The following SLC35F1 variants were observed in gnomAD, a reference collection of about 807,000 sequenced individuals.
SLC35F1 encodes chromosome 6 open reading frame 169.
A neutral mutation model predicts 48.7 loss-of-function variants in SLC35F1; 14 were observed. That is an observed-to-expected ratio of 0.29 (90% CI 0.19 to 0.45). The LOEUF (loss-of-function observed/expected upper bound fraction) is 0.45, where lower values mean the gene tolerates loss of function less well. SLC35F1 is among the 20% of genes least tolerant of loss of function. SLC35F1 has a pLI of 1.00. For synonymous variants in SLC35F1, 190 were observed against 202.2 expected (o/e 0.94, Z 0.51); for missense variants, 404 against 500.0 (o/e 0.81, Z 1.83).
chr6:118,291,607 C>A (rs429084), intron 7 of SLC35F1, among the ~76,000 whole-genome samples: 1 of 152,050 alleles, frequency 6.6e-6, no homozygotes, highest in Non-Finnish European at 1.5e-5. Context: ...TGAAAGGAAC[C>A]AAGTTAATGC....
chr6:118,140,198 T>C (rs951438796), intron 1 of SLC35F1, among the ~76,000 whole-genome samples: 2 of 152,186 alleles, frequency 1.3e-5, no homozygotes, highest in African/African-American at 2.4e-5. Context: ...TTACTTGGAT[T>C]TACCCAAATT....
intron 1 of SLC35F1, among the ~76,000 whole-genome samples, chr6:117,930,666 T>C (rs1776088573): frequency 6.6e-6 from 1 of 152,170 alleles, no homozygotes; most frequent in South Asian, 2.1e-4. Context: ...GATCACAGAC[T>C]GCCTCGAAAT....
At chr6:118,274,522 C>CA (rs768597925) in intron 4 of SLC35F1, among the ~76,000 whole-genome samples, 28 of 152,042 alleles carry the variant, frequency 1.8e-4, no homozygotes, top group Non-Finnish European at 3.1e-4. Context: ...CTCAGCCTCC[C>CA]AAGTAGCTGG....
intron 1 of SLC35F1, among the ~76,000 whole-genome samples, chr6:117,911,755 T>G (rs1392588273): frequency 6.6e-6 from 1 of 152,026 alleles, no homozygotes; most frequent in African/African-American, 2.4e-5. Context: ...CTTCCCTTAT[T>G]TCTTAGCATG....
chr6:118,044,700 GA>G (rs542122152), intron 1 of SLC35F1, among the ~76,000 whole-genome samples: 11 of 150,648 alleles, frequency 7.3e-5, no homozygotes, highest in East Asian at 5.8e-4. Flanking sequence ...TTTCGAAGAG[GA>G]AAAAAAAATG....
chr6:118,102,975 C>CT (rs139040279), intron 1 of SLC35F1, among the ~76,000 whole-genome samples: 10,124 of 152,230 alleles, frequency 0.067, 741 homozygotes, highest in African/African-American at 0.18. Flanking sequence ...TTGCATATCT[C>CT]TGAGCCTCCC....
At chr6:118,233,355 T>C (rs1415516977) in intron 2 of SLC35F1, among the ~76,000 whole-genome samples, 1 of 152,176 alleles carries the variant, frequency 6.6e-6, no homozygotes, top group East Asian at 1.9e-4. Flanking sequence ...AATGTGTTGA[T>C]TGTCAAACAT....
chr6:117,984,493 CAAA>C (rs1215573454), intron 1 of SLC35F1, among the ~76,000 whole-genome samples: 6 of 60,960 alleles, frequency 9.8e-5, no homozygotes, highest in Non-Finnish European at 1.1e-4. Flanking sequence ...GACTCGGTCT[CAAA>C]AAAAAAAAAA....
intron 1 of SLC35F1, among the ~76,000 whole-genome samples, chr6:117,980,553 C>G (rs1054119949): frequency 6.6e-6 from 1 of 152,110 alleles, no homozygotes; most frequent in Non-Finnish European, 1.5e-5. Context: ...TGTTTTCATT[C>G]TCATTTATCA....
At chr6:118,038,710 C>T (rs2114899613) in intron 1 of SLC35F1, among the ~76,000 whole-genome samples, 1 of 152,200 alleles carries the variant, frequency 6.6e-6, no homozygotes, top group Non-Finnish European at 1.5e-5. Context: ...CAACCTCTGC[C>T]TCCTGGAGTC....
intron 1 of SLC35F1, among the ~76,000 whole-genome samples, chr6:118,124,969 A>G (rs895580019): frequency 6.6e-6 from 1 of 152,154 alleles, no homozygotes; most frequent in African/African-American, 2.4e-5. Context: ...GCAAAACTCA[A>G]TCACCCAGGA....
chr6:117,970,665 A>G (rs1184374397), intron 1 of SLC35F1, among the ~76,000 whole-genome samples: 2 of 152,314 alleles, frequency 1.3e-5, no homozygotes, highest in Non-Finnish European at 1.5e-5. Context: ...GAGAGGCCTC[A>G]CAATCATGGC....
At chr6:118,049,634 T>C (rs1772355938) in intron 1 of SLC35F1, among the ~76,000 whole-genome samples, 1 of 151,316 alleles carries the variant, frequency 6.6e-6, no homozygotes, top group Non-Finnish European at 1.5e-5. Flanking sequence ...TCACTGGCCA[T>C]CAGAGAAATG....
At chr6:117,986,522 T>G (rs1776849868) in intron 1 of SLC35F1, among the ~76,000 whole-genome samples, 1 of 152,154 alleles carries the variant, frequency 6.6e-6, no homozygotes, top group African/African-American at 2.4e-5. Context: ...ACCCTGGAAG[T>G]TGGATGTTTG....
At chr6:118,304,495 C>A (rs945337900) in intron 7 of SLC35F1, among the ~76,000 whole-genome samples, 3 of 152,038 alleles carry the variant, frequency 2.0e-5, no homozygotes, top group African/African-American at 7.2e-5. Context: ...GATGAAAATG[C>A]CTTCTATTCC....
chr6:118,257,329 C>T (rs532517706), intron 3 of SLC35F1, among the ~76,000 whole-genome samples: 42 of 152,274 alleles, frequency 2.8e-4, no homozygotes, highest in African/African-American at 1.0e-3. Flanking sequence ...AACTACAGTG[C>T]TTCATTTCTG....
intron 3 of SLC35F1, among the ~76,000 whole-genome samples, chr6:118,252,531 G>T (rs910977467): frequency 4.6e-5 from 7 of 152,124 alleles, no homozygotes; most frequent in Non-Finnish European, 8.8e-5. Context: ...TGGTCATGTA[G>T]ATTTGAGTTT....
chr6:118,182,478 TGA>T lies in SLC35F1; in HGVS notation c.349+27861_349+27862del, dbSNP rs548754198. The stretch of plus-strand genomic sequence containing the variant: ...CTGCACTCCAGCTTGGGCAACAGAG[TGA>T]GACCCTGTCAAAAAAAAAAAAGAAA... On this transcript the variant is annotated intron_variant, in intron 2 of 7. Coordinates refer to ENST00000360388, the MANE Select transcript of SLC35F1 (RefSeq NM_001029858.4). Among the ~76,000 whole-genome samples, 32 of 118,660 alleles carry T rather than the reference TGA, an allele frequency of 2.7e-4. No homozygotes were observed. The South Asian group carries it at 8.0e-3, about 30-fold the overall frequency. The allele number at this position is 118,660 out of a possible 152,430, so 77.8% of individuals were successfully genotyped here. A position where few individuals can be genotyped will look rare whatever the true frequency, so the allele number is the denominator to read the frequency against.
intron 1 of SLC35F1, among the ~76,000 whole-genome samples, chr6:118,094,131 A>G (rs1773115446): frequency 6.6e-6 from 1 of 152,130 alleles, no homozygotes; most frequent in Non-Finnish European, 1.5e-5. Context: ...GTTGAGAATG[A>G]TATGGGGGAA....
Sources: gnomAD v4.1 joint callset for allele counts (sites outside exome capture counted in the v4.1 genomes callset) on GRCh38, gnomAD v4.1.1 for gene constraint, MANE v1.5 for transcripts, NCBI Gene and HGNC (gene_info 2026-07-23, HGNC 2026-07-21) for gene names.